SOX6: variants seen among roughly 807,000 people sequenced by gnomAD.
SOX6 encodes the protein transcription factor SOX-6.
A neutral mutation model predicts 97.8 loss-of-function variants in SOX6; 11 were observed. The ratio of observed to expected loss-of-function variants is 0.11; its 90% confidence interval spans 0.07 to 0.19. The LOEUF (loss-of-function observed/expected upper bound fraction) is 0.19. SOX6 is among the 10% of genes least tolerant of loss of function. The pLI is 1.00. For synonymous variants in SOX6, 360 were observed against 371.4 expected (o/e 0.97, Z 0.35); for missense variants, 810 against 1,039.5 (o/e 0.78, Z 3.04).
chr11:16,275,585 T>C (rs1400404099), intron 3 of SOX6, among the ~76,000 whole-genome samples: 1 of 152,224 alleles, frequency 6.6e-6, no homozygotes, highest in Non-Finnish European at 1.5e-5. Context: ...AATCAAATAT[T>C]TTTCCTCCTA....
At chr11:16,664,224 C>A (rs551479748) in intron 3 of SOX6, among the ~76,000 whole-genome samples, 1 of 152,308 alleles carries the variant, frequency 6.6e-6, no homozygotes, top group South Asian at 2.1e-4. Flanking sequence ...TTCATAAGAA[C>A]CAAAAATCAG....
At chr11:16,023,733 C>A (rs1855137871) in intron 12 of SOX6, among the ~76,000 whole-genome samples, 3 of 152,100 alleles carry the variant, frequency 2.0e-5, no homozygotes, top group Admixed American at 6.5e-5. Context: ...AAAGGCCAAT[C>A]TCTTATGAAA....
rs186423651 is a variant in SOX6 at position 15,970,140 on chromosome 11, T to C, written c.*2669A>G. On this transcript the variant is annotated 3_prime_UTR_variant, in exon 16 of 16. Coordinates refer to ENST00000683767, the MANE Select transcript of SOX6 (RefSeq NM_001367873.1). ...ATGACTTTTGTTCATGTAGTTTTCG[T>C]ACAACAGTTTCACATTAGTCAGAAG... 1 of 152,494 alleles carries C rather than the reference T, an allele frequency of 6.6e-6. No individual in the cohort carries two copies. Among genetic ancestry groups the C allele is most frequent in the East Asian group, 1.9e-4 (1 of 5,194 alleles). The allele number at this position is 152,494 out of a possible 1,614,324, so 9.4% of individuals were successfully genotyped here.
At chr11:16,127,238 G>A (rs1448118145) in intron 6 of SOX6, among the ~76,000 whole-genome samples, 1 of 151,994 alleles carries the variant, frequency 6.6e-6, no homozygotes, top group Non-Finnish European at 1.5e-5. Context: ...AACGAAGGCT[G>A]CTAGTCAAGT....
intron 3 of SOX6, among the ~76,000 whole-genome samples, chr11:16,301,225 G>A (rs546793381): frequency 5.3e-5 from 8 of 152,284 alleles, no homozygotes; most frequent in African/African-American, 1.9e-4. Flanking sequence ...ACAGCCTGTA[G>A]CTAGTACTTT....
At chr11:16,329,720 A>T (rs1324351992) in intron 2 of SOX6, among the ~76,000 whole-genome samples, 3 of 152,220 alleles carry the variant, frequency 2.0e-5, no homozygotes, top group Non-Finnish European at 2.9e-5. Context: ...GGCATTACAT[A>T]GTAAGTGATA....
At chr11:16,201,621 TA>T (rs1181834101) in intron 4 of SOX6, among the ~76,000 whole-genome samples, 2 of 144,262 alleles carry the variant, frequency 1.4e-5, no homozygotes, top group Non-Finnish European at 3.0e-5. Context: ...ATTTGCAAAG[TA>T]TTTTTTTTTT....
intron 1 of SOX6, among the ~76,000 whole-genome samples, chr11:16,371,276 T>C (rs1053989367): frequency 3.9e-5 from 6 of 152,038 alleles, no homozygotes; most frequent in African/African-American, 1.4e-4. Flanking sequence ...CCCCCAGATA[T>C]CTGCATGGTT....
At chr11:16,220,630 A>G (rs1852509200) in intron 4 of SOX6, among the ~76,000 whole-genome samples, 1 of 113,686 alleles carries the variant, frequency 8.8e-6, no homozygotes, top group African/African-American at 3.2e-5. Context: ...CCAGGTCCCT[A>G]TTGGTGGCAC....
At chr11:16,064,037 T>C (rs1020061023) in intron 9 of SOX6, among the ~76,000 whole-genome samples, 1 of 151,626 alleles carries the variant, frequency 6.6e-6, no homozygotes, top group African/African-American at 2.4e-5. Context: ...ACAGTTACTC[T>C]CTAAAATGGC....
intron 6 of SOX6, among the ~76,000 whole-genome samples, chr11:16,126,736 A>G (rs1304186896): frequency 6.6e-6 from 1 of 152,148 alleles, no homozygotes; most frequent in Non-Finnish European, 1.5e-5. Context: ...CAGAAACTAG[A>G]CAAGGCACAA....
chr11:16,254,012 G>A (rs1179077217), intron 3 of SOX6, among the ~76,000 whole-genome samples: 1 of 151,868 alleles, frequency 6.6e-6, no homozygotes, highest in Non-Finnish European at 1.5e-5. Context: ...AACCTATAGA[G>A]GAGCAAAGAA....
At chr11:16,636,067 T>C (rs1255603401) in intron 3 of SOX6, among the ~76,000 whole-genome samples, 1 of 152,160 alleles carries the variant, frequency 6.6e-6, no homozygotes, top group Non-Finnish European at 1.5e-5. Flanking sequence ...GGGCACTGCC[T>C]AGTGGTGCTG....
intron 12 of SOX6, among the ~76,000 whole-genome samples, chr11:16,027,855 G>C (rs1408244142): frequency 6.6e-6 from 1 of 152,210 alleles, no homozygotes; most frequent in Non-Finnish European, 1.5e-5. Flanking sequence ...AAGTTGATGG[G>C]AGGACAAAGG....
chr11:16,554,252 C>G (rs1847726671), intron 4 of SOX6, among the ~76,000 whole-genome samples: 1 of 152,040 alleles, frequency 6.6e-6, no homozygotes, highest in African/African-American at 2.4e-5. Context: ...CAAAGTTATA[C>G]CATGTTCATG....
chr11:16,229,861 C>T (rs1852796479), intron 4 of SOX6, among the ~76,000 whole-genome samples: 1 of 151,676 alleles, frequency 6.6e-6, no homozygotes, highest in Admixed American at 6.6e-5. Context: ...CAACATTTTA[C>T]ATAACCAAGA....
At chr11:16,007,320 A>G (rs1387004932) in intron 13 of SOX6, among the ~76,000 whole-genome samples, 1 of 152,132 alleles carries the variant, frequency 6.6e-6, no homozygotes, top group African/African-American at 2.4e-5. Context: ...ATTTGTTTAA[A>G]CATAGACAGG....
chr11:16,639,039 T>A (rs1485215662), intron 3 of SOX6, among the ~76,000 whole-genome samples: 2 of 152,248 alleles, frequency 1.3e-5, no homozygotes, highest in African/African-American at 4.8e-5. Flanking sequence ...CTTCTAGGGT[T>A]TTTATGGTTT....
chr11:15,996,556 G>A (rs1316448039), intron 13 of SOX6, among the ~76,000 whole-genome samples: 1 of 152,074 alleles, frequency 6.6e-6, no homozygotes, highest in Non-Finnish European at 1.5e-5. Flanking sequence ...TTGAGCCCAG[G>A]AGGTTGAGGA....
Sources: allele counts gnomAD v4.1 joint callset (sites outside exome capture counted in the v4.1 genomes callset), GRCh38; gene constraint gnomAD v4.1.1; transcripts MANE v1.5; gene names NCBI Gene and HGNC (gene_info 2026-07-23, HGNC 2026-07-21).